Variants in ERC2 observed in about 807,000 individuals in gnomAD.
ERC2 encodes the protein ELKS/RAB6-interacting/CAST family member 2, also known as ERC protein 2.
In ERC2, 42 loss-of-function variants were observed where a neutral mutation model predicts 114.8. The ratio of observed to expected loss-of-function variants is 0.37; its 90% confidence interval spans 0.29 to 0.47. ERC2 has a LOEUF of 0.47. Ranked by LOEUF, ERC2 falls within the 20% of genes least tolerant of loss-of-function variation. ERC2 has a pLI of 0.99. For missense variants in ERC2, 939 were observed against 1,150.7 expected, an observed-to-expected ratio of 0.82 and a Z score of 2.66; for synonymous variants, 454 against 425.5, an observed-to-expected ratio of 1.07 and a Z score of -0.82.
chr3:55,668,727 G>A (rs1462333285), intron 17 of ERC2, among the ~76,000 whole-genome samples: 1 of 152,154 alleles, frequency 6.6e-6, no homozygotes, highest in Non-Finnish European at 1.5e-5. Flanking sequence ...ATACAGAATT[G>A]ATGGCAATTA....
intron 3 of ERC2, among the ~76,000 whole-genome samples, chr3:56,267,153 A>C (rs1469196864): frequency 1.3e-5 from 2 of 152,200 alleles, no homozygotes; most frequent in Admixed American, 1.3e-4. Flanking sequence ...AAATGCTCCA[A>C]TTAGTTTTTC....
At chr3:56,257,688 C>T (rs1576123600) in intron 3 of ERC2, among the ~76,000 whole-genome samples, 2 of 152,224 alleles carry the variant, frequency 1.3e-5, no homozygotes, top group East Asian at 3.8e-4. Flanking sequence ...GACATTCACT[C>T]CATTAGTCAA....
chr3:56,007,072 A>G, intron 10 of ERC2, 109 bp downstream of exon 10: 1 of 914,538 alleles, frequency 1.1e-6, no homozygotes. Context: ...TTTTATCAGC[A>G]GACAGCAACA....
At chr3:56,337,463 C>T (rs953079799) in intron 2 of ERC2, among the ~76,000 whole-genome samples, 1 of 152,198 alleles carries the variant, frequency 6.6e-6, no homozygotes, top group Non-Finnish European at 1.5e-5. Context: ...TCAGGGTCCT[C>T]ATTTGCAAAA....
chr3:56,099,853 A>G (rs2078257898), intron 6 of ERC2, among the ~76,000 whole-genome samples: 1 of 152,114 alleles, frequency 6.6e-6, no homozygotes, highest in Non-Finnish European at 1.5e-5. Flanking sequence ...TCTACTCCTG[A>G]CCTTGCATCT....
At chr3:56,204,922 C>CTGTGTGTGTGTGTG (rs58831473) in intron 3 of ERC2, among the ~76,000 whole-genome samples, 21 of 150,040 alleles carry the variant, frequency 1.4e-4, no homozygotes, top group African/African-American at 4.4e-4. Flanking sequence ...TGGGACGTGT[C>CTGTGTGTGTGTGTG]TGTGTGTGTG....
intron 13 of ERC2, among the ~76,000 whole-genome samples, chr3:55,902,570 A>G (rs1190826649): frequency 1.3e-5 from 2 of 152,180 alleles, no homozygotes; most frequent in African/African-American, 2.4e-5. Flanking sequence ...CTGCATTTTA[A>G]AGCTAAATAG....
intron 17 of ERC2, among the ~76,000 whole-genome samples, chr3:55,625,095 C>T (rs769655920): frequency 1.3e-5 from 2 of 152,112 alleles, no homozygotes; most frequent in South Asian, 2.1e-4. Flanking sequence ...AGGCCAGGCA[C>T]GGTGGCTCAC....
intron 3 of ERC2, among the ~76,000 whole-genome samples, chr3:56,237,369 C>T (rs983248575): frequency 6.6e-6 from 1 of 152,198 alleles, no homozygotes; most frequent in Non-Finnish European, 1.5e-5. Flanking sequence ...TACTATGAAG[C>T]AACTCTGTTA....
chr3:56,388,870 T>C (rs1560728613), intron 2 of ERC2, among the ~76,000 whole-genome samples: 1 of 152,116 alleles, frequency 6.6e-6, no homozygotes. Flanking sequence ...CCCAAAAAAT[T>C]ATCAACTCAA....
At chr3:55,754,616 A>T (rs1036257432) in intron 14 of ERC2, among the ~76,000 whole-genome samples, 6 of 150,612 alleles carry the variant, frequency 4.0e-5, no homozygotes, top group African/African-American at 1.5e-4. Flanking sequence ...AAAAAAAAAA[A>T]TTTAAATCTC....
chr3:55,711,148 T>C (rs1303111187), intron 15 of ERC2, among the ~76,000 whole-genome samples: 1 of 152,236 alleles, frequency 6.6e-6, no homozygotes, highest in African/African-American at 2.4e-5. Context: ...CATTTTGTTC[T>C]TGATGGCTAC....
chr3:55,553,070 G>A (rs1183565349), intron 17 of ERC2, among the ~76,000 whole-genome samples: 1 of 110,672 alleles, frequency 9.0e-6, no homozygotes, highest in Non-Finnish European at 1.7e-5. Flanking sequence ...CACCCAGGCT[G>A]GAGTGCAGTG....
At chr3:55,977,801 G>T (rs1408685309) in intron 12 of ERC2, among the ~76,000 whole-genome samples, 2 of 152,128 alleles carry the variant, frequency 1.3e-5, no homozygotes, top group African/African-American at 4.8e-5. Context: ...TGCATGAGAG[G>T]AAAAGACTAG....
intron 7 of ERC2, among the ~76,000 whole-genome samples, chr3:56,047,655 G>A (rs2075545528): frequency 6.6e-6 from 1 of 152,224 alleles, no homozygotes; most frequent in Admixed American, 6.5e-5. Context: ...ATGACTAGTA[G>A]TTTTGTTCCA....
intron 17 of ERC2, among the ~76,000 whole-genome samples, chr3:55,630,800 T>C (rs571587827): frequency 6.6e-5 from 10 of 152,248 alleles, no homozygotes; most frequent in African/African-American, 1.7e-4. Context: ...CTGGGAAAAG[T>C]ACATAAAAAT....
intron 12 of ERC2, among the ~76,000 whole-genome samples, chr3:55,969,408 C>G (rs1576400550): frequency 6.6e-6 from 1 of 151,254 alleles, no homozygotes. Flanking sequence ...CACACACACA[C>G]ACACACACAC....
intron 2 of ERC2, among the ~76,000 whole-genome samples, chr3:56,378,352 A>G (rs1177334592): frequency 7.1e-6 from 1 of 140,794 alleles, no homozygotes; most frequent in Non-Finnish European, 1.5e-5. Flanking sequence ...ATTCTCACTC[A>G]TAGGTGGGAA....
At chr3:55,823,164 G>C (rs574654862) in intron 14 of ERC2, among the ~76,000 whole-genome samples, 2 of 152,124 alleles carry the variant, frequency 1.3e-5, no homozygotes, top group African/African-American at 4.8e-5. Flanking sequence ...AATTGAGCTG[G>C]CTTCATGAGA....
Sources: gnomAD v4.1 joint callset for allele counts (sites outside exome capture counted in the v4.1 genomes callset) on GRCh38, gnomAD v4.1.1 for gene constraint, MANE v1.5 for transcripts, NCBI Gene and HGNC (gene_info 2026-07-23, HGNC 2026-07-21) for gene names.